Variants in DDX6 observed in about 807,000 individuals in gnomAD.
The protein encoded by DDX6 is probable ATP-dependent RNA helicase DDX6.
DDX6 carries 7 observed loss-of-function variants against 60.6 expected under a neutral mutation model. The observed-to-expected ratio is 0.12, with a 90% CI of 0.07 to 0.22. The LOEUF is 0.22. Among genes scored for constraint, DDX6 ranks in the 10% least tolerant of loss-of-function variants. DDX6 has a pLI of 1.00. For synonymous variants in DDX6, 207 were observed against 201.0 expected (o/e 1.03, Z -0.25); for missense variants, 270 against 589.9 (o/e 0.46, Z 5.62).
At chr11:118,785,071 T>C (rs1862030508) in intron 2 of DDX6, among the ~76,000 whole-genome samples, 1 of 152,192 alleles carries the variant, frequency 6.6e-6, no homozygotes, top group Non-Finnish European at 1.5e-5. Flanking sequence ...CCCGGACCTA[T>C]ATGGCAAGTT....
At chr11:118,787,777 T>G (rs2137565024) in intron 1 of DDX6, 1 of 152,324 alleles carries the variant, frequency 6.6e-6, no homozygotes, top group South Asian at 2.1e-4. Flanking sequence ...GGACGGATGA[T>G]ATACACAAAT....
intron 2 of DDX6, among the ~76,000 whole-genome samples, chr11:118,782,204 A>G (rs1555164823): frequency 6.6e-6 from 1 of 152,220 alleles, no homozygotes; most frequent in African/African-American, 2.4e-5. Context: ...AAATAGGTTA[A>G]CAGTTACATC....
At chr11:118,789,072 C>CTTTTT (rs142382451) in intron 1 of DDX6, 1 of 91,150 alleles carries the variant, frequency 1.1e-5, no homozygotes, top group Non-Finnish European at 2.2e-5. Flanking sequence ...CCCCGTTACA[C>CTTTTT]TTTTTTTTTT....
Position 118,749,466 on chromosome 11 carries a change from C to T in DDX6, c.*2639G>A, listed in dbSNP as rs772774414. 1.2e-4 allele frequency: 18 copies of T among 151,116 alleles called. No individual in the cohort carries two copies. Among genetic ancestry groups the T allele is most frequent in the Non-Finnish European group, 2.5e-4 (17 of 67,836 alleles). 9.4% of individuals were successfully genotyped at this position (151,116 alleles called of 1,614,324 possible). A position where few individuals can be genotyped will look rare whatever the true frequency, so the allele number is the denominator to read the frequency against. On this transcript the variant is annotated 3_prime_UTR_variant, in exon 14 of 14. Coordinates refer to ENST00000534980, the MANE Select transcript of DDX6 (RefSeq NM_004397.6). ...TCAAGCACCAAAACTGGACAGCTGCCTCTACAAGACCGTGTCCAGTAGTGG... is the reference window on the plus strand; with the variant it reads ...TCAAGCACCAAAACTGGACAGCTGCTTCTACAAGACCGTGTCCAGTAGTGG...
chr11:118,768,414 T>G, intron 4 of DDX6, 62 bp from the exon 5 acceptor site: 2 of 1,549,848 alleles, frequency 1.3e-6, no homozygotes, highest in Non-Finnish European at 1.8e-6. Flanking sequence ...AATTCCTCTC[T>G]GAAATACACT....
chr11:118,769,266 G>A (rs952142119), intron 4 of DDX6, among the ~76,000 whole-genome samples: 1 of 152,138 alleles, frequency 6.6e-6, no homozygotes, highest in Admixed American at 6.6e-5. Flanking sequence ...AATAGGCTGG[G>A]AAAGTTTAAC....
intron 2 of DDX6, among the ~76,000 whole-genome samples, chr11:118,783,541 G>A (rs775582346): frequency 2.6e-5 from 4 of 151,718 alleles, no homozygotes; most frequent in Non-Finnish European, 4.4e-5. Context: ...AGTGGCTCAC[G>A]CCTGTAATCC....
chr11:118,788,045 T>C (rs1373464337), intron 1 of DDX6: 1 of 150,186 alleles, frequency 6.7e-6, no homozygotes, highest in Admixed American at 6.6e-5. Context: ...GCACGGTAGC[T>C]CACGCCTGTA....
chr11:118,751,700 A>ATCAGGG lies in DDX6; in HGVS notation c.*399_*404dup. 1 of 277,646 alleles carries ATCAGGG rather than the reference A, an allele frequency of 3.6e-6. No homozygotes were observed. Among genetic ancestry groups the ATCAGGG allele is most frequent in the African/African-American group, 2.3e-5 (1 of 43,954 alleles). The allele number at this position is 277,646 out of a possible 1,614,324, so 17.2% of individuals were successfully genotyped here. On this transcript the variant is annotated 3_prime_UTR_variant, in exon 14 of 14. Coordinates refer to ENST00000534980, the MANE Select transcript of DDX6 (RefSeq NM_004397.6). ...TTCAGGCTTAAAAAACGGATGAGGA[A>ATCAGGG]TCAGGGAGAAGTTGAAATGCACGAG...
Position 118,751,054 on chromosome 11 carries a change from AATATATATAT to A in DDX6, c.*1041_*1050del, listed in dbSNP as rs1291223410. ...TCCCAGCAACCTTCATCCAAAAAAA[AATATATATAT>A]ATGTATATATATATATATATATGAA... On this transcript the variant is annotated 3_prime_UTR_variant, in exon 14 of 14. Transcript: ENST00000534980. 1 of 135,010 alleles carries A rather than the reference AATATATATAT, an allele frequency of 7.4e-6. No individual in the cohort carries two copies. The highest frequency in any genetic ancestry group is 2.8e-5 in the African/African-American group (1 of 36,024). The allele number at this position is 135,010 out of a possible 1,614,324, so 8.4% of individuals were successfully genotyped here.
chr11:118,756,821 T>A (rs1163597255), intron 10 of DDX6, among the ~76,000 whole-genome samples: 3 of 152,186 alleles, frequency 2.0e-5, no homozygotes, highest in Non-Finnish European at 4.4e-5. Context: ...TTATTTTAAT[T>A]TTAACTGATT....
chr11:118,778,071 T>TATATATGGATATATAACAGATATATATG (rs1861765909), intron 4 of DDX6, among the ~76,000 whole-genome samples: 1 of 151,776 alleles, frequency 6.6e-6, no homozygotes, highest in African/African-American at 2.4e-5. Context: ...AAGTCCATAC[T>TATATATGGATATATAACAGATATATATG]GATAACAGAT....
intron 2 of DDX6, among the ~76,000 whole-genome samples, chr11:118,785,517 T>C (rs1297826889): frequency 6.6e-6 from 1 of 151,936 alleles, no homozygotes; most frequent in Non-Finnish European, 1.5e-5. Context: ...ACTTTTTTTT[T>C]TTTTTAAAGT....
rs372147541 is a variant in DDX6 at position 118,786,226 on chromosome 11, G to A, written c.26C>T (p.Pro9Leu). The A allele has an allele frequency of 2.0e-5, 32 of 1,612,310 alleles. No homozygotes were observed. The highest frequency in any genetic ancestry group is 2.5e-5 in the Non-Finnish European group (30 of 1,179,266). Residue 9 changes from proline to leucine, a missense_variant, in exon 2 of 14, where the codon CCT becomes CTT. By Grantham distance (98) the Pro-to-Leu change is moderately conservative. Around this residue, in one of 8 missense-constraint regions of DDX6, gnomAD observed 102 missense variants for 110.5 expected, o/e 0.92. Transcript: ENST00000534980. Reference protein sequence around the residue: MSTARTENPVIMGLSSQNG... With the variant: MSTARTENLVIMGLSSQNG... ...TTGACTGGACAGACCCATTATAACAGGGTTCTCTGTTCTGGCCGTGCTCAT... is the reference window on the plus strand; with the variant it reads ...TTGACTGGACAGACCCATTATAACAAGGTTCTCTGTTCTGGCCGTGCTCAT...
chr11:118,790,907 G>C (rs575680459), intron 1 of DDX6, 191 bp downstream of exon 1: 1 of 152,608 alleles, frequency 6.6e-6, no homozygotes, highest in Non-Finnish European at 1.5e-5. Flanking sequence ...ACTCCCGCTC[G>C]GCACCCTCGG....
chr11:118,762,282 AAAAAT>A (rs1159689154), intron 7 of DDX6, among the ~76,000 whole-genome samples: 1 of 149,850 alleles, frequency 6.7e-6, no homozygotes, highest in Non-Finnish European at 1.5e-5. Flanking sequence ...TCAAAAAAAA[AAAAAT>A]AATAATAATA....
intron 4 of DDX6, among the ~76,000 whole-genome samples, chr11:118,774,042 G>A (rs1861620852): frequency 6.6e-6 from 1 of 151,960 alleles, no homozygotes; most frequent in Non-Finnish European, 1.5e-5. Context: ...AGCTGACCTG[G>A]CACAAAATTT....
rs1555156652 is a variant in DDX6 at position 118,749,368 on chromosome 11, A to G, written c.*2737T>C. The G allele has an allele frequency of 2.0e-5, 3 of 149,112 alleles. No individual in the cohort carries two copies. Among genetic ancestry groups the G allele is most frequent in the African/African-American group, 7.3e-5 (3 of 40,922 alleles). 9.2% of individuals were successfully genotyped at this position (149,112 alleles called of 1,614,324 possible). A position where few individuals can be genotyped will look rare whatever the true frequency, so the allele number is the denominator to read the frequency against. ...GGCCCAAAAAAGAAAGAAAAAAAAAAAAAAAAAAAAAAAGACCAGGCTTTG... is the reference window on the plus strand; with the variant it reads ...GGCCCAAAAAAGAAAGAAAAAAAAAGAAAAAAAAAAAAAGACCAGGCTTTG... On this transcript the variant is annotated 3_prime_UTR_variant, in exon 14 of 14. Transcript: ENST00000534980.
intron 6 of DDX6, among the ~76,000 whole-genome samples, chr11:118,764,094 A>G (rs1048358360): frequency 2.6e-5 from 4 of 152,206 alleles, no homozygotes; most frequent in African/African-American, 9.7e-5. Context: ...GACTTCTGAC[A>G]TAAGAGCAAT....
Sources: allele counts gnomAD v4.1 joint callset (sites outside exome capture counted in the v4.1 genomes callset), GRCh38; gene constraint gnomAD v4.1.1; regional missense constraint gnomAD v4.1.1; transcripts MANE v1.5; gene names NCBI Gene and HGNC (gene_info 2026-07-23, HGNC 2026-07-21).